Variants in CALCOCO2 observed in about 807,000 individuals in gnomAD.
The protein encoded by CALCOCO2 is calcium binding and coiled-coil domain 2, also known as calcium-binding and coiled-coil domain-containing protein 2.
In CALCOCO2, 42 loss-of-function variants were observed where a neutral mutation model predicts 62.5. The ratio of observed to expected loss-of-function variants is 0.67; its 90% CI spans 0.53 to 0.87. CALCOCO2 has a LOEUF of 0.87. CALCOCO2 is among the 40% of genes least tolerant of loss of function. CALCOCO2 has a pLI of 0.00. For missense variants in CALCOCO2, 456 were observed against 515.0 expected (o/e 0.89, Z 1.11); for synonymous variants, 167 against 173.0 (o/e 0.97, Z 0.27).
Position 48,863,647 on chromosome 17 carries a change from TTCTACTC to T in CALCOCO2, c.*646_*652del, listed in dbSNP as rs1239284537. On this transcript the variant is annotated 3_prime_UTR_variant, in exon 13 of 13. Coordinates refer to ENST00000258947, the MANE Select transcript of CALCOCO2 (RefSeq NM_005831.5). ...TTTCTGGGTACCTCTGGTTAGCACT[TTCTACTC>T]TCTGATATTTCCTATGTACATAGCT... 6.5e-6 allele frequency: 1 copy of T among 153,888 alleles called. No individual in the cohort carries two copies. The highest frequency in any genetic ancestry group is 2.4e-5 in the African/African-American group (1 of 41,452). The allele number at this position is 153,888 out of a possible 1,614,324, so 9.5% of individuals were successfully genotyped here.
intron 10 of CALCOCO2, among the ~76,000 whole-genome samples, chr17:48,857,389 G>T (rs1567758620): frequency 6.7e-6 from 1 of 150,144 alleles, no homozygotes; most frequent in African/African-American, 2.4e-5. Flanking sequence ...TAGAGACGGG[G>T]TTTCTCCATG....
At chr17:48,839,093 G>A (rs982050737) in intron 1 of CALCOCO2, among the ~76,000 whole-genome samples, 1 of 150,824 alleles carries the variant, frequency 6.6e-6, no homozygotes, top group Non-Finnish European at 1.5e-5. Flanking sequence ...CTGCAAACTC[G>A]GCCTCCCGGG....
At chr17:48,836,687 A>C (rs1391624244) in intron 1 of CALCOCO2, among the ~76,000 whole-genome samples, 2 of 151,640 alleles carry the variant, frequency 1.3e-5, no homozygotes, top group African/African-American at 4.9e-5. Flanking sequence ...CTCAGCTTGC[A>C]GACCCTTTAT....
intron 10 of CALCOCO2, among the ~76,000 whole-genome samples, chr17:48,856,938 A>C (rs191559099): frequency 4.6e-5 from 7 of 151,442 alleles, no homozygotes; most frequent in Admixed American, 4.0e-4. Context: ...AGCTGGGACT[A>C]TAGGCATATG....
rs1567757320 is a variant in CALCOCO2, at chr17:48,854,396, A to ATATATAT, written c.912+1385_912+1386insATATATT. Among the ~76,000 whole-genome samples, 4 of 1,918 alleles carry ATATATAT rather than the reference A, an allele frequency of 2.1e-3. 1 individual carries two copies. The highest frequency in any genetic ancestry group is 5.8e-3 in the Non-Finnish European group (3 of 514). The allele number at this position is 1,918 out of a possible 152,430, so 1.3% of individuals were successfully genotyped here. A position where few individuals can be genotyped will look rare whatever the true frequency, so the allele number is the denominator to read the frequency against. Reference sequence around the variant, plus strand: ...TTTTCTTTTATTTATATATATATATATTTTTTTTTTTTTTTTTTTTTTTTT... The same window carrying ATATATAT: ...TTTTCTTTTATTTATATATATATATATATATATTTTTTTTTTTTTTTTTTTTTTTTTT... On this transcript the variant is annotated intron_variant, in intron 9 of 12. Transcript: ENST00000258947.
intron 1 of CALCOCO2, among the ~76,000 whole-genome samples, chr17:48,838,361 A>G (rs972984524): frequency 2.0e-5 from 3 of 151,850 alleles, no homozygotes; most frequent in Non-Finnish European, 2.9e-5. Flanking sequence ...CTGCTTGTGG[A>G]TTTCATTTCT....
intron 12 of CALCOCO2, 87 bp downstream of exon 12, chr17:48,862,391 C>G (rs2040342434): frequency 2.2e-6 from 2 of 929,704 alleles, no homozygotes; most frequent in Non-Finnish European, 3.6e-6. Flanking sequence ...CATAGGGAGA[C>G]AGGTTCATTT....
chr17:48,861,659 G>GTATATA (rs367595425), intron 11 of CALCOCO2, among the ~76,000 whole-genome samples: 3,555 of 135,156 alleles, frequency 0.026, 119 homozygotes, highest in African/African-American at 0.04. Context: ...ATATGTGTGT[G>GTATATA]TGTATATATA....
At chr17:48,856,897 C>T (rs1276695582) in intron 10 of CALCOCO2, among the ~76,000 whole-genome samples, 1 of 151,636 alleles carries the variant, frequency 6.6e-6, no homozygotes, top group Non-Finnish European at 1.5e-5. Context: ...CTCCTGGGCT[C>T]AAGTGATCGT....
At chr17:48,861,175 G>T (rs998909432) in intron 11 of CALCOCO2, among the ~76,000 whole-genome samples, 1 of 151,928 alleles carries the variant, frequency 6.6e-6, no homozygotes, top group African/African-American at 2.4e-5. Context: ...CGAGACAAGC[G>T]TGGCTAACGT....
chr17:48,832,366 C>T (rs1025918276), intron 1 of CALCOCO2, among the ~76,000 whole-genome samples: 1 of 152,196 alleles, frequency 6.6e-6, no homozygotes. Context: ...TGCACTCCAG[C>T]CTGGGCAACA....
chr17:48,863,426 T>C lies in CALCOCO2; in HGVS notation c.*421T>C, dbSNP rs186046835. On this transcript the variant is annotated 3_prime_UTR_variant, in exon 13 of 13. Coordinates refer to ENST00000258947, the MANE Select transcript of CALCOCO2 (RefSeq NM_005831.5). ...CCTGGGGCCAGAGATTGGTCCGAGG[T>C]TGAGAATTCCTTCCTCCTCATCCTT... 104 of 172,140 alleles carry C rather than the reference T, an allele frequency of 6.0e-4. No individual in the cohort carries two copies. The highest frequency in any genetic ancestry group is 5.6e-3 in the Admixed American group (102 of 18,184). The allele number at this position is 172,140 out of a possible 1,614,324, so 10.7% of individuals were successfully genotyped here.
intron 5 of CALCOCO2, among the ~76,000 whole-genome samples, chr17:48,850,347 C>T (rs1470790669): frequency 1.3e-5 from 2 of 152,016 alleles, no homozygotes; most frequent in Non-Finnish European, 2.9e-5. Context: ...ATCCCGGCTA[C>T]TCAGGAGGCT....
At chr17:48,849,165 G>A in intron 4 of CALCOCO2, 87 bp from the exon 5 acceptor site, 1 of 1,294,040 alleles carries the variant, frequency 7.7e-7, no homozygotes, top group South Asian at 1.3e-5. Context: ...CAGTGAATGG[G>A]AATCAGCCAG....
chr17:48,852,586 G>T lies in CALCOCO2; in HGVS notation c.783G>T (p.Leu261=). The change falls in exon 8 of 13, where the codon CTG becomes CTT. Residue 261 remains leucine (L), a synonymous_variant. Coordinates refer to ENST00000258947, the MANE Select transcript of CALCOCO2 (RefSeq NM_005831.5). The part of the protein sequence containing the change: ...DQDKTEQLEQ[L]KKENDHLFLS... ...ATAAGACAGAGCAGTTAGAGCAGCT[G>T]AAAAAGGAAAATGACCACCTCTTTC... 1.2e-6 allele frequency: 2 copies of T among 1,613,602 alleles called. No homozygotes were observed. Among genetic ancestry groups the T allele is most frequent in the African/African-American group, 1.3e-5 (1 of 75,034 alleles).
chr17:48,841,929 T>TAACTAA, intron 2 of CALCOCO2, 42 bp downstream of exon 2: 1 of 1,384,068 alleles, frequency 7.2e-7, no homozygotes, highest in Non-Finnish European at 1.0e-6. Flanking sequence ...GAACTAGAGG[T>TAACTAA]GATTCTTAGT....
chr17:48,849,750 C>T (rs140177872), intron 5 of CALCOCO2, among the ~76,000 whole-genome samples: 52 of 152,044 alleles, frequency 3.4e-4, no homozygotes, highest in African/African-American at 1.3e-3. Context: ...GTGATCCACT[C>T]GCCTGAGCTT....
chr17:48,846,322 C>A, intron 2 of CALCOCO2: 2 of 598,196 alleles, frequency 3.3e-6, no homozygotes, highest in South Asian at 2.1e-5. Context: ...TTAATACATA[C>A]AAATATGTTA....
chr17:48,843,671 G>A (rs1193042829), intron 2 of CALCOCO2, among the ~76,000 whole-genome samples: 2 of 152,200 alleles, frequency 1.3e-5, no homozygotes, highest in African/African-American at 2.4e-5. Context: ...ACTAAAAGGC[G>A]TGCCAACCCA....
Sources: allele counts gnomAD v4.1 joint callset (sites outside exome capture counted in the v4.1 genomes callset), GRCh38; gene constraint gnomAD v4.1.1; transcripts MANE v1.5; gene names NCBI Gene and HGNC (gene_info 2026-07-23, HGNC 2026-07-21).